VPS37A: variants seen among roughly 807,000 people sequenced by gnomAD.
The protein encoded by VPS37A is vacuolar protein sorting-associated protein 37A.
VPS37A carries 30 observed loss-of-function variants against 49.8 expected under a neutral mutation model. The observed-to-expected ratio is 0.60, with a 90% CI of 0.45 to 0.82. The LOEUF (loss-of-function observed/expected upper bound fraction) is 0.82, where lower values mean the gene tolerates loss of function less well. VPS37A is among the 40% of genes least tolerant of loss of function. The probability of loss-of-function intolerance (pLI) is 0.00; values close to 1 mark genes in which losing one functional copy is unlikely to be tolerated. For missense variants in VPS37A, 593 were observed against 464.4 expected (o/e 1.28, Z -2.55); for synonymous variants, 195 against 160.6 (o/e 1.21, Z -1.62).
chr8:17,314,484 G>A, the VPS37A span, among the ~76,000 whole-genome samples: 1 of 152,170 alleles, frequency 6.6e-6, no homozygotes, highest in East Asian at 1.9e-4. Context: ...ATTCAACTTT[G>A]TGAACTCTTT....
At chr8:17,309,581 A>T in the VPS37A span, among the ~76,000 whole-genome samples, 3 of 152,328 alleles carry the variant, frequency 2.0e-5, no homozygotes, top group Non-Finnish European at 2.9e-5. Flanking sequence ...AATGCTTCCT[A>T]TGTGCCAGGC....
At chr8:17,311,776 C>G in the VPS37A span, 1 of 1,337,394 alleles carries the variant, frequency 7.5e-7, no homozygotes, top group African/African-American at 1.5e-5. Flanking sequence ...TGTTTAGGGC[C>G]CCCCCTAATT....
the VPS37A span, among the ~76,000 whole-genome samples, chr8:17,328,204 G>A: frequency 4.0e-5 from 6 of 149,722 alleles, no homozygotes; most frequent in African/African-American, 1.5e-4. Context: ...TCCTATCAGT[G>A]CCTGCTGACC....
At chr8:17,305,998 T>G (rs1314877098), downstream of VPS37A, 1 of 1,513,768 alleles carries the variant, frequency 6.6e-7, no homozygotes, top group Non-Finnish European at 9.0e-7. Flanking sequence ...GGCAGATTTA[T>G]TTTTAAAGTA....
At chr8:17,274,654 T>C in intron 4 of VPS37A, 79 bp from the exon 5 acceptor site, 3 of 1,181,006 alleles carry the variant, frequency 2.5e-6, no homozygotes, top group Non-Finnish European at 3.6e-6. Flanking sequence ...TGACCTTTGT[T>C]ATTTAGAACA....
chr8:17,256,320 G>A (rs1477693315), intron 1 of VPS37A, among the ~76,000 whole-genome samples: 1 of 49,954 alleles, frequency 2.0e-5, no homozygotes, highest in African/African-American at 1.7e-4. Flanking sequence ...TTTTTTTTTG[G>A]AGATAGGGTC....
chr8:17,255,445 C>T (rs1262270407), intron 1 of VPS37A, among the ~76,000 whole-genome samples: 1 of 152,110 alleles, frequency 6.6e-6, no homozygotes, highest in Non-Finnish European at 1.5e-5. Context: ...AGTGACATTG[C>T]ACTCCAGCCT....
chr8:17,284,638 A>AG (rs1815415358), intron 10 of VPS37A, 22 bp downstream of exon 10: 1 of 1,569,882 alleles, frequency 6.4e-7, no homozygotes, highest in African/African-American at 1.4e-5. Flanking sequence ...TCGTCAGTTG[A>AG]GGACAAGTAT....
chr8:17,306,350 G>C (rs929947569), downstream of VPS37A, among the ~76,000 whole-genome samples: 1 of 151,568 alleles, frequency 6.6e-6, no homozygotes, highest in African/African-American at 2.4e-5. Context: ...TTCATTTTTT[G>C]CGCTGTTTTG....
intron 9 of VPS37A, 134 bp from the exon 10 acceptor site, chr8:17,284,339 G>A (rs570614142): frequency 2.0e-6 from 2 of 1,015,700 alleles, no homozygotes; most frequent in South Asian, 2.2e-5. Flanking sequence ...TTATAAGACA[G>A]CAGATTTTCT....
the VPS37A span, among the ~76,000 whole-genome samples, chr8:17,307,674 G>T: frequency 2.6e-5 from 4 of 152,204 alleles, no homozygotes; most frequent in African/African-American, 9.6e-5. Flanking sequence ...AAGAAAATGT[G>T]GCACATATAC....
rs749650754 is a variant in VPS37A, at chr8:17,274,866, A to G, written c.550A>G (p.Thr184Ala). The G allele has an allele frequency of 3.1e-6, 5 of 1,613,976 alleles. No homozygotes were observed. The highest frequency in any genetic ancestry group is 4.5e-5 in the East Asian group (2 of 44,874). ...SVADTVSSST[T>A]SHTTAKPAAP... ...TGCTGACACTGTTTCTTCTTCAACA[A>G]CAAGTCATACCACAGCCAAGCCTGC... Residue 184 changes from threonine (T) to alanine (A), a missense_variant, in exon 5 of 12, where the codon ACA (threonine) becomes GCA (alanine). Coordinates refer to ENST00000324849, the MANE Select transcript of VPS37A (RefSeq NM_152415.3).
chr8:17,329,096 T>G, the VPS37A span, among the ~76,000 whole-genome samples: 3 of 152,176 alleles, frequency 2.0e-5, no homozygotes, highest in African/African-American at 7.2e-5. Flanking sequence ...ATAACAGTAG[T>G]AAAAAATAAT....
the VPS37A span, among the ~76,000 whole-genome samples, chr8:17,315,281 C>T: frequency 6.6e-6 from 1 of 151,964 alleles, no homozygotes; most frequent in South Asian, 2.1e-4. Flanking sequence ...ATATGACCTC[C>T]TAGAAAAGGC....
Position 17,296,491 on chromosome 8 carries a change from A to C in VPS37A, c.*1505A>C, listed in dbSNP as rs937847023. On this transcript the variant is annotated 3_prime_UTR_variant, in exon 12 of 12. Transcript: ENST00000324849. ...TATACTGCACTGGCCACCAGAGCTT[A>C]ATTTTCCCAGCAGTTACAGCAATGG... 3 of 152,184 alleles carry C rather than the reference A, an allele frequency of 2.0e-5. No individual in the cohort carries two copies. The highest frequency in any genetic ancestry group is 2.1e-4 in the South Asian group (1 of 4,830). The allele number at this position is 152,184 out of a possible 1,614,324, so 9.4% of individuals were successfully genotyped here.
chr8:17,331,330 C>A, the VPS37A span: 1 of 1,531,156 alleles, frequency 6.5e-7, no homozygotes, highest in East Asian at 2.3e-5. Flanking sequence ...ATTGATGAAA[C>A]AATGATGAAA....
chr8:17,333,220 A>G, the VPS37A span, among the ~76,000 whole-genome samples: 1 of 152,194 alleles, frequency 6.6e-6, no homozygotes, highest in Admixed American at 6.5e-5. Context: ...TACGAGAATA[A>G]AGAGTTTGGC....
chr8:17,311,693 C>T, the VPS37A span: 5 of 1,610,526 alleles, frequency 3.1e-6, no homozygotes, highest in African/African-American at 5.3e-5. Flanking sequence ...AAGGCAGAAC[C>T]TCTCATCACA....
the VPS37A span, among the ~76,000 whole-genome samples, chr8:17,324,015 T>C: frequency 6.6e-6 from 1 of 152,314 alleles, no homozygotes; most frequent in Non-Finnish European, 1.5e-5. Context: ...TCTCATTAAA[T>C]AACCTTCTTT....
Sources: gnomAD v4.1 joint callset for allele counts (sites outside exome capture counted in the v4.1 genomes callset) on GRCh38, gnomAD v4.1.1 for gene constraint, MANE v1.5 for transcripts, NCBI Gene and HGNC (gene_info 2026-07-23, HGNC 2026-07-21) for gene names.